UTP4: variants seen among roughly 807,000 people sequenced by gnomAD.
UTP4 encodes U3 small nucleolar RNA-associated protein 4 homolog.
A neutral mutation model predicts 82.4 loss-of-function variants in UTP4; 45 were observed. The observed-to-expected ratio is 0.55, with a 90% confidence interval of 0.43 to 0.70. UTP4 has a LOEUF of 0.70. Among genes scored for constraint, UTP4 ranks in the 30% least tolerant of loss-of-function variants. The pLI is 0.00. For synonymous variants in UTP4, 348 were observed against 300.3 expected (o/e 1.16, Z -1.64); for missense variants, 819 against 858.3 (o/e 0.95, Z 0.57).
chr16:69,133,971 T>A (rs986965040), intron 2 of UTP4, among the ~76,000 whole-genome samples: 1 of 152,208 alleles, frequency 6.6e-6, no homozygotes, highest in African/African-American at 2.4e-5. Flanking sequence ...CAGTACTGTT[T>A]CATTGTCAAT....
chr16:69,154,791 C>T (rs1963367011), intron 10 of UTP4, among the ~76,000 whole-genome samples: 1 of 151,880 alleles, frequency 6.6e-6, no homozygotes, highest in African/African-American at 2.4e-5. Flanking sequence ...TGCAATGGCA[C>T]CACCTCAGCT....
At chr16:69,164,594 ATATATATATATATATATATATG>A (rs1009928069) in intron 14 of UTP4, among the ~76,000 whole-genome samples, 15 of 123,590 alleles carry the variant, frequency 1.2e-4, no homozygotes, top group Admixed American at 3.3e-4. Flanking sequence ...CTTTATATAT[ATATATATATATATATATATATG>A]TATATATATA....
At chr16:69,149,169 C>T in intron 6 of UTP4, among the ~76,000 whole-genome samples, 1 of 151,988 alleles carries the variant, frequency 6.6e-6, no homozygotes, top group East Asian at 1.9e-4. Context: ...TCCCCTAGGT[C>T]AGGAGTTTGA....
At chr16:69,152,779 A>G (rs1187531112) in intron 8 of UTP4, among the ~76,000 whole-genome samples, 5 of 151,594 alleles carry the variant, frequency 3.3e-5, no homozygotes, top group Non-Finnish European at 5.9e-5. Context: ...GGCCTCGGCT[A>G]ATTTTTTTAT....
chr16:69,157,052 C>T (rs1228992492), intron 11 of UTP4, 32 bp from the exon 12 acceptor site: 11 of 1,613,306 alleles, frequency 6.8e-6, no homozygotes, highest in African/African-American at 1.3e-5. Flanking sequence ...TCTCCCTTCT[C>T]TCACTGGCTT....
At chr16:69,153,528 C>G in intron 8 of UTP4, 56 bp from the exon 9 acceptor site, 1 of 1,209,628 alleles carries the variant, frequency 8.3e-7, no homozygotes, top group Non-Finnish European at 1.2e-6. Flanking sequence ...GTATCTGGTA[C>G]TAAGGCAGTA....
Position 69,133,537 on chromosome 16 carries a change from CCAGT to C in UTP4, c.81_84del (p.Ser28ThrfsTer63), listed in dbSNP as rs1962714549. 1 of 1,613,916 alleles carries C rather than the reference CCAGT, an allele frequency of 6.2e-7. No individual in the cohort carries two copies. Among genetic ancestry groups the C allele is most frequent in the African/African-American group, 1.3e-5 (1 of 74,900 alleles). ...GAATCCGCTGTGTGGCTTACAATAA[CCAGT>C]CAAACAGATTGGCTGTTTCACGAAC... is the stretch of plus-strand genomic sequence containing the variant. On this transcript the variant is annotated frameshift_variant, in exon 2 of 17. Transcript: ENST00000314423. LOFTEE classifies it high-confidence loss of function.
At chr16:69,143,484 G>A in intron 6 of UTP4, 95 bp downstream of exon 6, 2 of 1,074,084 alleles carry the variant, frequency 1.9e-6, no homozygotes, top group South Asian at 2.6e-5. Context: ...ACTGGTTCCT[G>A]ATCCTGATGT....
At chr16:69,150,738 T>G in intron 7 of UTP4, 30 bp downstream of exon 7, 2 of 1,613,884 alleles carry the variant, frequency 1.2e-6, no homozygotes, top group Non-Finnish European at 1.7e-6. Flanking sequence ...AGGCTGCTGC[T>G]TTACCCTGCC....
At chr16:69,151,417 G>A (rs1963265139) in intron 8 of UTP4, among the ~76,000 whole-genome samples, 1 of 151,422 alleles carries the variant, frequency 6.6e-6, no homozygotes, top group South Asian at 2.1e-4. Context: ...CGCCTCCCAG[G>A]TTCATGCCAT....
chr16:69,136,649 A>G (rs1567599913), intron 2 of UTP4, 47 bp from the exon 3 acceptor site: 2 of 1,593,124 alleles, frequency 1.3e-6, no homozygotes, highest in South Asian at 2.2e-5. Flanking sequence ...CAGTACCGGT[A>G]CCTGATGAAT....
chr16:69,140,618 G>A (rs930168277), intron 5 of UTP4, among the ~76,000 whole-genome samples: 1 of 151,956 alleles, frequency 6.6e-6, no homozygotes, highest in African/African-American at 2.4e-5. Context: ...GGAAGCTGAG[G>A]CAGGAGAATC....
At chr16:69,149,838 C>T (rs1056177198) in intron 6 of UTP4, among the ~76,000 whole-genome samples, 2 of 152,010 alleles carry the variant, frequency 1.3e-5, no homozygotes, top group Non-Finnish European at 2.9e-5. Context: ...AAGTGATTCT[C>T]GTGCCTCAGC....
chr16:69,164,612 A>ATG (rs1555495254), intron 14 of UTP4, among the ~76,000 whole-genome samples: 20 of 129,192 alleles, frequency 1.5e-4, no homozygotes, highest in African/African-American at 2.8e-4. Flanking sequence ...ATATATATAT[A>ATG]TATGTATATA....
At chr16:69,159,696 AAAAG>A (rs890377618) in intron 12 of UTP4, among the ~76,000 whole-genome samples, 5 of 151,142 alleles carry the variant, frequency 3.3e-5, no homozygotes, top group African/African-American at 9.7e-5. Flanking sequence ...AAAAAAAGAA[AAAAG>A]AAAGAGGCCA....
rs1442722267 is a variant in UTP4, at chr16:69,136,873, G to A, written c.337G>A (p.Gly113Ser). The change falls in exon 3 of 17, where the codon GGC becomes AGC. Residue 113 changes from glycine (G) to serine (S), a missense_variant. Coordinates refer to ENST00000314423, the MANE Select transcript of UTP4 (RefSeq NM_032830.3). ...TTGGAGCATGGCTGCCAGCCCCAGT[G>A]GCTCTCAACTTTTGGTTAGTAAGCA... ...PIWSMAASPS[G>S]SQLLVGCEDG... is the part of the protein sequence containing the mutation. The A allele has an allele frequency of 2.5e-6, 4 of 1,613,960 alleles. No homozygotes were observed. In the South Asian group the frequency reaches 4.4e-5, roughly 18 times the overall value.
At chr16:69,147,924 G>A (rs1410626821) in intron 6 of UTP4, among the ~76,000 whole-genome samples, 1 of 151,592 alleles carries the variant, frequency 6.6e-6, no homozygotes. Context: ...ATGCCACCAC[G>A]CCTGTCTAAT....
intron 2 of UTP4, among the ~76,000 whole-genome samples, chr16:69,134,721 G>T: frequency 7.4e-6 from 1 of 134,976 alleles, no homozygotes. Context: ...TTTTTTTTTG[G>T]AGACGGAGTC....
At chr16:69,156,094 T>G in intron 11 of UTP4, 101 bp downstream of exon 11, 2 of 1,204,642 alleles carry the variant, frequency 1.7e-6, no homozygotes, top group Non-Finnish European at 2.5e-6. Context: ...CTTGCTCAGT[T>G]AAAAACTATT....
Sources: allele counts gnomAD v4.1 joint callset (sites outside exome capture counted in the v4.1 genomes callset), GRCh38; gene constraint gnomAD v4.1.1; transcripts MANE v1.5; gene names NCBI Gene and HGNC (gene_info 2026-07-23, HGNC 2026-07-21).